TSHZ2: variants seen among roughly 807,000 people sequenced by gnomAD.
TSHZ2 encodes the protein teashirt zinc finger homeobox 2.
TSHZ2 carries 21 observed loss-of-function variants against 74.4 expected under a neutral mutation model. The ratio of observed to expected loss-of-function variants is 0.28; its 90% CI spans 0.20 to 0.41. The LOEUF is 0.41. Among genes scored for constraint, TSHZ2 ranks in the 10% least tolerant of loss-of-function variants. The pLI is 1.00. For synonymous variants in TSHZ2, 540 were observed against 515.3 expected (o/e 1.05, Z -0.65); for missense variants, 1,244 against 1,293.5 (o/e 0.96, Z 0.59).
At chr20:53,365,342 T>C (rs940082483) in intron 2 of TSHZ2, among the ~76,000 whole-genome samples, 3 of 152,198 alleles carry the variant, frequency 2.0e-5, no homozygotes, top group Non-Finnish European at 4.4e-5. Context: ...CTATCCCAGC[T>C]TGGGGGGGTC....
intron 1 of TSHZ2, among the ~76,000 whole-genome samples, chr20:53,227,606 AG>A (rs1260545260): frequency 1.3e-5 from 2 of 152,152 alleles, no homozygotes; most frequent in Non-Finnish European, 1.5e-5. Flanking sequence ...ATCAAACTGA[AG>A]GGTAATTTTT....
Position 53,254,235 on chromosome 20 carries a change from G to A in TSHZ2, c.777G>A (p.Arg259=). The change falls in exon 2 of 3, where the codon AGG becomes AGA. Residue 259 remains arginine, a synonymous_variant. Coordinates refer to ENST00000371497, the MANE Select transcript of TSHZ2 (RefSeq NM_173485.6). ...GACCCACGAGCTATTCAAAGCCCAGGAAAAGGGCTTTCCAGGATATGGACA... is the reference window on the plus strand; with the variant it reads ...GACCCACGAGCTATTCAAAGCCCAGAAAAAGGGCTTTCCAGGATATGGACA... ...KLRPTSYSKP[R]KRAFQDMDKE... 1 of 1,614,182 alleles carries A rather than the reference G, an allele frequency of 6.2e-7. No individual in the cohort carries two copies. The highest frequency in any genetic ancestry group is 1.1e-5 in the South Asian group (1 of 91,082).
chr20:53,177,724 T>C (rs1988378781), intron 1 of TSHZ2, among the ~76,000 whole-genome samples: 1 of 152,224 alleles, frequency 6.6e-6, no homozygotes, highest in South Asian at 2.1e-4. Flanking sequence ...TTTCTTCTGA[T>C]TTTAAAATAA....
Position 52,997,542 on chromosome 20 carries a change from A to G in TSHZ2, c.40+24209A>G, listed in dbSNP as rs1405895682. ...AGATGATCTATTTGTATACATTTCT[A>G]TATTTTCTTTTCAGCAAACCTAACC... On this transcript the variant is annotated intron_variant, in intron 1 of 2. Transcript: ENST00000371497. 3.3e-5 allele frequency among the ~76,000 whole-genome samples: 5 copies of G among 152,004 alleles called. No individual in the cohort carries two copies. In the East Asian group the frequency reaches 7.7e-4, roughly 23 times the overall value.
intron 1 of TSHZ2, among the ~76,000 whole-genome samples, chr20:53,087,222 A>T (rs546234465): frequency 6.6e-6 from 1 of 152,350 alleles, no homozygotes; most frequent in Non-Finnish European, 1.5e-5. Flanking sequence ...CCAGGATCAG[A>T]TGCTTTTCCA....
chr20:53,285,705 C>T (rs926744900), intron 2 of TSHZ2, among the ~76,000 whole-genome samples: 3 of 145,506 alleles, frequency 2.1e-5, no homozygotes, highest in African/African-American at 7.8e-5. Flanking sequence ...AGCAAGACTC[C>T]GTCTCCATCT....
At chr20:53,314,052 C>G (rs1978895852) in intron 2 of TSHZ2, among the ~76,000 whole-genome samples, 1 of 152,112 alleles carries the variant, frequency 6.6e-6, no homozygotes, top group South Asian at 2.1e-4. Context: ...CTTTGGGAGG[C>G]TGAGGTGGGC....
chr20:53,296,054 A>AT (rs1238341502), intron 2 of TSHZ2, among the ~76,000 whole-genome samples: 127 of 149,324 alleles, frequency 8.5e-4, no homozygotes, highest in Admixed American at 1.7e-3. Context: ...AAAAAAAAAA[A>AT]ATCCAGGCAG....
At position 53,476,148 on chromosome 20, in the gene TSHZ2, A is replaced by C. The variant is rs997246363; in HGVS notation, c.*9-10996A>C. On this transcript the variant is annotated intron_variant, in intron 2 of 2. Coordinates refer to ENST00000371497, the MANE Select transcript of TSHZ2 (RefSeq NM_173485.6). ...AATAGAAAAAGAGAGAATCCTCCCT[A>C]ACTCTTTTTATGAGGCCAGCATCAT... Among the ~76,000 whole-genome samples the C allele has an allele frequency of 6.8e-5, 10 of 146,774 alleles. 1 individual carries two copies. Among genetic ancestry groups the C allele is most frequent in the African/African-American group, 2.3e-4 (9 of 38,782 alleles).
chr20:53,046,740 C>T (rs1194470848), intron 1 of TSHZ2, among the ~76,000 whole-genome samples: 1 of 152,102 alleles, frequency 6.6e-6, no homozygotes, highest in Non-Finnish European at 1.5e-5. Flanking sequence ...ACGTTCAGCC[C>T]CATGACCTTA....
intron 2 of TSHZ2, among the ~76,000 whole-genome samples, chr20:53,327,955 G>T (rs182093538): frequency 6.6e-6 from 1 of 152,206 alleles, no homozygotes; most frequent in African/African-American, 2.4e-5. Flanking sequence ...GAACAGAAAG[G>T]TTTCGTGACT....
intron 1 of TSHZ2, among the ~76,000 whole-genome samples, chr20:53,080,577 G>GTTA (rs1432755249): frequency 1.3e-5 from 2 of 152,158 alleles, no homozygotes; most frequent in Non-Finnish European, 2.9e-5. Flanking sequence ...CGGATGATCA[G>GTTA]GCATTAGTTA....
At chr20:53,003,482 C>T (rs112523949) in intron 1 of TSHZ2, among the ~76,000 whole-genome samples, 2 of 152,084 alleles carry the variant, frequency 1.3e-5, no homozygotes, top group African/African-American at 2.4e-5. Context: ...CAAACTGGCA[C>T]GCCTGTAATC....
chr20:53,245,409 A>G (rs1298656287), intron 1 of TSHZ2, among the ~76,000 whole-genome samples: 1 of 152,216 alleles, frequency 6.6e-6, no homozygotes, highest in Non-Finnish European at 1.5e-5. Context: ...GGGAGCAACC[A>G]TCTAAGCCAT....
At chr20:53,024,578 T>C (rs1034745105) in intron 1 of TSHZ2, among the ~76,000 whole-genome samples, 2 of 152,026 alleles carry the variant, frequency 1.3e-5, no homozygotes, top group Non-Finnish European at 2.9e-5. Flanking sequence ...ACACGTGCCA[T>C]GGTGGTTTGC....
chr20:53,079,489 G>A (rs115807185), intron 1 of TSHZ2, among the ~76,000 whole-genome samples: 11 of 152,126 alleles, frequency 7.2e-5, no homozygotes, highest in Admixed American at 5.2e-4. Flanking sequence ...GCATCTTAGC[G>A]CTACAGAGAC....
chr20:52,975,439 A>G (rs1436653474), intron 1 of TSHZ2, among the ~76,000 whole-genome samples: 5 of 152,064 alleles, frequency 3.3e-5, no homozygotes, highest in Non-Finnish European at 5.9e-5. Context: ...ATAACACTGT[A>G]TCACATTATT....
chr20:53,280,355 C>T (rs1991031556), intron 2 of TSHZ2, among the ~76,000 whole-genome samples: 2 of 152,144 alleles, frequency 1.3e-5, no homozygotes, highest in African/African-American at 4.8e-5. Flanking sequence ...TCATAAAACT[C>T]AAAAATTACA....
chr20:53,109,788 A>T (rs73142274), intron 1 of TSHZ2, among the ~76,000 whole-genome samples: 260 of 152,244 alleles, frequency 1.7e-3, no homozygotes, highest in Non-Finnish European at 3.1e-3. Flanking sequence ...TAAGAATTGG[A>T]GTGCTGCTCC....
Sources: gnomAD v4.1 joint callset for allele counts (sites outside exome capture counted in the v4.1 genomes callset) on GRCh38, gnomAD v4.1.1 for gene constraint, MANE v1.5 for transcripts, NCBI Gene and HGNC (gene_info 2026-07-23, HGNC 2026-07-21) for gene names.